Variants in CEP85 observed in about 807,000 individuals in gnomAD.
The protein encoded by CEP85 is centrosomal protein of 85 kDa.
CEP85 carries 58 observed loss-of-function variants against 93.7 expected under a neutral mutation model. The observed-to-expected ratio is 0.62, with a 90% CI of 0.50 to 0.77. CEP85 has a LOEUF of 0.77. Among genes scored for constraint, CEP85 ranks in the 30% least tolerant of loss-of-function variants. The pLI is 0.00. For synonymous variants in CEP85, 314 were observed against 338.6 expected (o/e 0.93, Z 0.80); for missense variants, 868 against 922.0 (o/e 0.94, Z 0.76).
intron 12 of CEP85, among the ~76,000 whole-genome samples, chr1:26,275,820 G>A (rs1049899395): frequency 1.3e-5 from 2 of 152,106 alleles, no homozygotes; most frequent in Admixed American, 6.5e-5. Context: ...ACTGAAGGAC[G>A]GACTCTATTC....
chr1:26,250,947 T>TGAGACAGAG (rs2089602456), intron 3 of CEP85, among the ~76,000 whole-genome samples: 2 of 130,980 alleles, frequency 1.5e-5, no homozygotes, highest in African/African-American at 6.1e-5. Context: ...TTTTTTTTTT[T>TGAGACAGAG]TTTTTTTTTT....
At chr1:26,240,207 C>T (rs957860602) in intron 2 of CEP85, among the ~76,000 whole-genome samples, 3 of 152,142 alleles carry the variant, frequency 2.0e-5, no homozygotes, top group African/African-American at 7.2e-5. Context: ...AGGAATTCTG[C>T]TTGGATGCCA....
intron 1 of CEP85, among the ~76,000 whole-genome samples, chr1:26,237,240 G>C (rs182034539): frequency 6.6e-6 from 1 of 152,108 alleles, no homozygotes; most frequent in African/African-American, 2.4e-5. Context: ...TTAATTTTAT[G>C]TGTGTGCAAT....
chr1:26,264,447 C>T (rs1237806113), intron 7 of CEP85, among the ~76,000 whole-genome samples: 5 of 152,076 alleles, frequency 3.3e-5, no homozygotes, highest in African/African-American at 9.7e-5. Context: ...GCAGGAGAAT[C>T]GCTTGAACCT....
chr1:26,257,809 G>A (rs2124586171), intron 5 of CEP85, 79 bp downstream of exon 5: 1 of 1,496,736 alleles, frequency 6.7e-7, no homozygotes, highest in South Asian at 1.2e-5. Context: ...TCTTCCCAAG[G>A]GCAAAGCATT....
intron 10 of CEP85, chr1:26,271,709 A>C (rs947057540): frequency 2.8e-6 from 1 of 353,826 alleles, no homozygotes; most frequent in Non-Finnish European, 5.2e-6. Flanking sequence ...AAGAGTTTGC[A>C]CTGGCTGTTT....
chr1:26,277,110 T>TG (rs1211682840), intron 13 of CEP85, 26 bp from the exon 14 acceptor site: 8 of 1,606,010 alleles, frequency 5.0e-6, no homozygotes, highest in African/African-American at 1.3e-5. Flanking sequence ...ACTAACATTC[T>TG]CTTGAAATGC....
rs561753302 is a variant in CEP85, at chr1:26,244,423, A to G, written c.208+105A>G. 9 of 1,016,592 alleles carry G rather than the reference A, an allele frequency of 8.9e-6. No homozygotes were observed. The South Asian group carries it at 1.4e-4, about 16-fold the overall frequency. The allele number at this position is 1,016,592 out of a possible 1,614,324, so 63.0% of individuals were successfully genotyped here. On this transcript the variant is annotated intron_variant, in intron 3 of 13. Coordinates refer to ENST00000451429, the MANE Select transcript of CEP85 (RefSeq NM_001319944.2). ...ATTGTGTTATTTCCAGAATGTTCAT[A>G]ACGTCATTCCATTTCATTCAAGGAG...
intron 3 of CEP85, among the ~76,000 whole-genome samples, chr1:26,251,222 C>G (rs1017123506): frequency 1.4e-5 from 2 of 147,520 alleles, no homozygotes; most frequent in African/African-American, 2.5e-5. Context: ...GGATTACAGG[C>G]ATAAACCACC....
At chr1:26,274,467 TG>T (rs1218414400) in intron 11 of CEP85, among the ~76,000 whole-genome samples, 1 of 152,206 alleles carries the variant, frequency 6.6e-6, no homozygotes, top group African/African-American at 2.4e-5. Flanking sequence ...ATTAAGCAGA[TG>T]TACTCGTAAG....
At chr1:26,273,577 A>G (rs1289649607) in intron 11 of CEP85, among the ~76,000 whole-genome samples, 1 of 152,292 alleles carries the variant, frequency 6.6e-6, no homozygotes, top group Non-Finnish European at 1.5e-5. Context: ...ACATTTACCT[A>G]TGATAAGACT....
chr1:26,259,882 G>A (rs2124589743), intron 7 of CEP85, 80 bp downstream of exon 7: 2 of 1,214,108 alleles, frequency 1.6e-6, no homozygotes, highest in East Asian at 2.5e-5. Context: ...GCTGTTTCTG[G>A]CCTGGAACTA....
At chr1:26,242,023 A>T (rs2089436369) in intron 2 of CEP85, among the ~76,000 whole-genome samples, 1 of 151,804 alleles carries the variant, frequency 6.6e-6, no homozygotes, top group Non-Finnish European at 1.5e-5. Flanking sequence ...CCGCCTCCCA[A>T]AGTGCTAGGA....
chr1:26,269,779 C>T (rs1038689814), intron 9 of CEP85, among the ~76,000 whole-genome samples, 165 bp downstream of exon 9: 17 of 119,812 alleles, frequency 1.4e-4, no homozygotes, highest in Middle Eastern at 4.0e-3. Flanking sequence ...TTATGGGAAG[C>T]GGCTTTTTTT....
intron 12 of CEP85, among the ~76,000 whole-genome samples, 168 bp from the exon 13 acceptor site, chr1:26,276,367 G>A (rs1455262757): frequency 2.0e-5 from 3 of 152,192 alleles, no homozygotes; most frequent in African/African-American, 7.2e-5. Context: ...AACCAGGCCT[G>A]ATACTGATAG....
Position 26,255,225 on chromosome 1 carries a change from C to T in CEP85, c.263C>T (p.Thr88Ile), listed in dbSNP as rs1557656404. Residue 88 changes from threonine (T) to isoleucine (I), a missense_variant, in exon 4 of 14, where the codon ACC becomes ATC. Thr to Ile is a moderately conservative substitution (Grantham distance 89, BLOSUM62 -1). Transcript: ENST00000451429. ...PPFQPIKSHV[T>I]IPTAHVMPST... ...TTCCAGCCCATCAAAAGCCACGTAA[C>T]CATTCCAACAGCCCATGTGATGCCT... 6.2e-7 allele frequency: 1 copy of T among 1,614,216 alleles called. No homozygotes were observed. The highest frequency in any genetic ancestry group is 8.5e-7 in the Non-Finnish European group (1 of 1,180,030).
intron 3 of CEP85, among the ~76,000 whole-genome samples, chr1:26,244,982 A>G (rs541943301): frequency 1.3e-5 from 2 of 152,242 alleles, no homozygotes; most frequent in Non-Finnish European, 2.9e-5. Flanking sequence ...GATCGTCCCT[A>G]TCCCACCCAC....
chr1:26,269,371 G>A, intron 8 of CEP85, 89 bp from the exon 9 acceptor site: 1 of 1,297,884 alleles, frequency 7.7e-7, no homozygotes, highest in Non-Finnish European at 1.1e-6. Context: ...ATAGGTTTGA[G>A]TGCTATTTCT....
rs956631440 is a variant in CEP85, at chr1:26,243,147, T to C, written c.56-1019T>C. ...GATTTTCTTTTTTTTTTTTTTTTTT[T>C]CTGAGATGGGGTTTCGCTCTTGTTG... On this transcript the variant is annotated intron_variant, in intron 2 of 13. Transcript: ENST00000451429. Among the ~76,000 whole-genome samples, 151 of 124,280 alleles carry C rather than the reference T, an allele frequency of 1.2e-3. 1 individual carries two copies. Among genetic ancestry groups the C allele is most frequent in the African/African-American group, 4.2e-3 (138 of 32,966 alleles). 81.5% of individuals were successfully genotyped at this position (124,280 alleles called of 152,430 possible).
Sources: gnomAD v4.1 joint callset for allele counts (sites outside exome capture counted in the v4.1 genomes callset) on GRCh38, gnomAD v4.1.1 for gene constraint, MANE v1.5 for transcripts, NCBI Gene and HGNC (gene_info 2026-07-23, HGNC 2026-07-21) for gene names.